The following NEK1 variants were observed in gnomAD, a reference collection of about 807,000 sequenced individuals.
NEK1 encodes the protein serine/threonine-protein kinase Nek1.
A neutral mutation model predicts 182.1 loss-of-function variants in NEK1; 137 were observed. The observed-to-expected ratio is 0.75, with a 90% CI of 0.65 to 0.87. The LOEUF (loss-of-function observed/expected upper bound fraction) is 0.87, where lower values mean the gene tolerates loss of function less well. NEK1 is among the 40% of genes least tolerant of loss of function. NEK1 has a pLI of 0.00. For missense variants in NEK1, 1,391 were observed against 1,494.4 expected (o/e 0.93, Z 1.14); for synonymous variants, 513 against 492.2 (o/e 1.04, Z -0.56).
intron 30 of NEK1, 92 bp from the exon 31 acceptor site, chr4:169,424,892 T>A (rs915880544): frequency 7.5e-7 from 1 of 1,334,380 alleles, no homozygotes; most frequent in Non-Finnish European, 9.9e-7. Context: ...ACACAAATTC[T>A]AGCAAAAAAC....
chr4:169,610,293 C>T (rs1231020896), intron 2 of NEK1, among the ~76,000 whole-genome samples: 2 of 151,892 alleles, frequency 1.3e-5, no homozygotes, highest in East Asian at 1.9e-4. Flanking sequence ...TGAGCCACAG[C>T]GTCTGACCCA....
chr4:169,406,507 A>G (rs931156699), intron 32 of NEK1, 89 bp downstream of exon 32: 1 of 945,834 alleles, frequency 1.1e-6, no homozygotes. Context: ...TAATGAGTTA[A>G]AAAAAAGAGC....
intron 18 of NEK1, 78 bp from the exon 19 acceptor site, chr4:169,537,989 A>T (rs1758778755): frequency 6.8e-6 from 7 of 1,025,202 alleles, no homozygotes; most frequent in South Asian, 3.7e-5. Flanking sequence ...TTTATCCTAA[A>T]TTTTTTTTTC....
intron 4 of NEK1, 104 bp downstream of exon 4, chr4:169,601,904 G>T: frequency 1.3e-6 from 1 of 776,246 alleles, no homozygotes; most frequent in East Asian, 2.5e-5. Flanking sequence ...ATTCATATGC[G>T]TATGTTTTTA....
At chr4:169,584,749 A>C in intron 10 of NEK1, among the ~76,000 whole-genome samples, 1 of 152,236 alleles carries the variant, frequency 6.6e-6, no homozygotes, top group Middle Eastern at 3.2e-3. Context: ...TCTCACAATA[A>C]CCTTATAGAT....
intron 12 of NEK1, 181 bp downstream of exon 12, chr4:169,576,747 G>A (rs1444050691): frequency 1.2e-5 from 6 of 508,032 alleles, no homozygotes; most frequent in South Asian, 2.5e-5. Flanking sequence ...TTTACTTAAT[G>A]ACTTTTTATG....
At chr4:169,445,843 T>C (rs1740406468) in intron 27 of NEK1, among the ~76,000 whole-genome samples, 1 of 83,846 alleles carries the variant, frequency 1.2e-5, no homozygotes, top group Admixed American at 1.3e-4. Context: ...ACAAAACAAC[T>C]ATATACATAT....
Position 169,396,365 on chromosome 4 carries a change from CAAAAAAAAAAAAA to C in NEK1, c.3848-1855_3848-1843del, listed in dbSNP as rs70961598. 5.8e-4 allele frequency among the ~76,000 whole-genome samples: 22 copies of C among 38,054 alleles called. No homozygotes were observed. In the East Asian group the frequency reaches 8.6e-3, roughly 15 times the overall value. 25.0% of individuals were successfully genotyped at this position (38,054 alleles called of 152,430 possible). On this transcript the variant is annotated intron_variant, in intron 35 of 35. Coordinates refer to ENST00000507142, the MANE Select transcript of NEK1 (RefSeq NM_001199397.3). ...TGGGCGACAGAGCAAGACTCCATCT[CAAAAAAAAAAAAA>C]AAAAAAAAAAAAAAAAAAGAAGAAT...
intron 23 of NEK1, among the ~76,000 whole-genome samples, chr4:169,497,311 C>T (rs2149646413): frequency 6.6e-6 from 1 of 152,108 alleles, no homozygotes; most frequent in South Asian, 2.1e-4. Flanking sequence ...CTTTATTAGT[C>T]TTGCTAGCGG....
rs529289676 is a variant in NEK1, at chr4:169,414,338, C to CT, written c.3223-7592dup. ...TAATATGGTCTTAAATTTGGTACTT[C>CT]TTTTTTATTACCACCAAGAAGTAAA... is the stretch of plus-strand genomic sequence containing the variant. On this transcript the variant is annotated intron_variant, in intron 31 of 35. Transcript: ENST00000507142. 9.2e-5 allele frequency among the ~76,000 whole-genome samples: 14 copies of CT among 151,978 alleles called. No homozygotes were observed. The South Asian group carries it at 2.9e-3, about 32-fold the overall frequency.
chr4:169,547,502 G>A (rs1760706501), intron 18 of NEK1, among the ~76,000 whole-genome samples: 1 of 152,088 alleles, frequency 6.6e-6, no homozygotes, highest in South Asian at 2.1e-4. Context: ...TATACTTCCT[G>A]AATTTGAATG....
chr4:169,511,248 G>A (rs543021879), intron 19 of NEK1, among the ~76,000 whole-genome samples: 4 of 152,144 alleles, frequency 2.6e-5, no homozygotes, highest in Non-Finnish European at 4.4e-5. Context: ...CTTCAAGAAG[G>A]CCCTTGCAAT....
intron 23 of NEK1, among the ~76,000 whole-genome samples, chr4:169,482,748 T>C (rs942199750): frequency 7.9e-5 from 12 of 152,084 alleles, no homozygotes; most frequent in African/African-American, 2.9e-4. Flanking sequence ...ATGATTCTCC[T>C]GCCTCAGCCT....
Position 169,562,202 on chromosome 4 carries a change from C to T in NEK1, c.1021-6G>A. On this transcript the variant is annotated splice_region_variant and splice_polypyrimidine_tract_variant and intron_variant, in intron 12 of 35. Transcript: ENST00000507142. ...TTCTCTGGAGTTTGATGGGCCTGGA[C>T]AAAAAGTAAAACTACAAATTAAATA... 6.6e-7 allele frequency: 1 copy of T among 1,519,096 alleles called. No individual in the cohort carries two copies. Among genetic ancestry groups the T allele is most frequent in the South Asian group, 1.3e-5 (1 of 77,028 alleles). 94.1% of individuals were successfully genotyped at this position (1,519,096 alleles called of 1,614,324 possible).
At chr4:169,419,816 T>C (rs1261992169) in intron 31 of NEK1, among the ~76,000 whole-genome samples, 6 of 152,168 alleles carry the variant, frequency 3.9e-5, no homozygotes, top group Admixed American at 6.5e-5. Flanking sequence ...CTCAATATTA[T>C]AGAAGATTGT....
rs946797538 is a variant in NEK1 at position 169,516,588 on chromosome 4, T to A, written c.1666-7736A>T. ...CATGAAGTCCTTGCCCACGCCTATG[T>A]CCTGAATGGTAATGCCTAGGTTTTC... On this transcript the variant is annotated intron_variant, in intron 19 of 35. Coordinates refer to ENST00000507142, the MANE Select transcript of NEK1 (RefSeq NM_001199397.3). Among the ~76,000 whole-genome samples, 24 of 70,156 alleles carry A rather than the reference T, an allele frequency of 3.4e-4. No individual in the cohort carries two copies. The South Asian group carries it at 7.7e-3, about 22-fold the overall frequency. The allele number at this position is 70,156 out of a possible 152,430, so 46.0% of individuals were successfully genotyped here.
intron 35 of NEK1, among the ~76,000 whole-genome samples, chr4:169,399,600 T>C (rs1731305410): frequency 6.6e-6 from 1 of 152,034 alleles, no homozygotes; most frequent in African/African-American, 2.4e-5. Context: ...TGAATTATTC[T>C]AAGTTATAAT....
intron 31 of NEK1, among the ~76,000 whole-genome samples, chr4:169,414,802 G>A (rs916999970): frequency 6.6e-6 from 1 of 152,136 alleles, no homozygotes; most frequent in African/African-American, 2.4e-5. Flanking sequence ...CTAGAGTTAA[G>A]GCTATATGGT....
intron 19 of NEK1, among the ~76,000 whole-genome samples, chr4:169,522,478 C>T (rs1295842964): frequency 6.6e-6 from 1 of 152,204 alleles, no homozygotes; most frequent in Non-Finnish European, 1.5e-5. Flanking sequence ...CTATTTTATG[C>T]AGGAAGTAGC....
Sources: gnomAD v4.1 joint callset for allele counts (sites outside exome capture counted in the v4.1 genomes callset) on GRCh38, gnomAD v4.1.1 for gene constraint, MANE v1.5 for transcripts, NCBI Gene and HGNC (gene_info 2026-07-23, HGNC 2026-07-21) for gene names.